The following CTNNA3 variants were observed in gnomAD, a reference collection of about 807,000 sequenced individuals.
The protein encoded by CTNNA3 is catenin alpha 3, also known as catenin alpha-3.
Under a neutral mutation model 95.7 loss-of-function variants are expected in CTNNA3, and 76 were observed. That is an observed-to-expected ratio of 0.79 (90% CI 0.66 to 0.96). The LOEUF is 0.96. CTNNA3 is among the 40% of genes least tolerant of loss of function. The pLI is 0.00. For missense variants in CTNNA3, 1,191 were observed against 1,089.8 expected (o/e 1.09, Z -1.31); for synonymous variants, 431 against 374.4 (o/e 1.15, Z -1.74).
chr10:66,259,225 A>G (rs751977418), intron 13 of CTNNA3, among the ~76,000 whole-genome samples: 4 of 152,172 alleles, frequency 2.6e-5, no homozygotes, highest in Non-Finnish European at 5.9e-5. Context: ...CTCCCCATGA[A>G]CAAGTTTTTC....
intron 7 of CTNNA3, among the ~76,000 whole-genome samples, chr10:67,021,598 T>C (rs1355751416): frequency 6.6e-6 from 1 of 152,086 alleles, no homozygotes; most frequent in Non-Finnish European, 1.5e-5. Context: ...TGTAGTGATA[T>C]GAGAAACATG....
intron 5 of CTNNA3, among the ~76,000 whole-genome samples, chr10:67,374,708 G>A (rs1843624946): frequency 6.6e-6 from 1 of 152,146 alleles, no homozygotes; most frequent in South Asian, 2.1e-4. Flanking sequence ...CTTTTGAACA[G>A]GGACTTGAAG....
chr10:66,800,977 A>G (rs1841406895), intron 7 of CTNNA3, among the ~76,000 whole-genome samples: 1 of 151,302 alleles, frequency 6.6e-6, no homozygotes, highest in Admixed American at 6.6e-5. Flanking sequence ...TTTTTCACAT[A>G]CAAAAAAAAA....
At chr10:66,240,125 C>A (rs2090040528) in intron 13 of CTNNA3, among the ~76,000 whole-genome samples, 1 of 151,792 alleles carries the variant, frequency 6.6e-6, no homozygotes, top group South Asian at 2.1e-4. Context: ...ATTGATATAT[C>A]AGCATATTTT....
intron 13 of CTNNA3, among the ~76,000 whole-genome samples, chr10:66,105,799 G>GGCAT (rs2081875968): frequency 6.6e-6 from 1 of 152,180 alleles, no homozygotes; most frequent in Non-Finnish European, 1.5e-5. Context: ...CATTCTGTAA[G>GGCAT]GCATGGTGTT....
intron 9 of CTNNA3, among the ~76,000 whole-genome samples, chr10:66,719,990 C>A (rs757511090): frequency 6.6e-6 from 1 of 151,992 alleles, no homozygotes; most frequent in African/African-American, 2.4e-5. Flanking sequence ...GAAGGAAAAC[C>A]TTTTCCTGAT....
chr10:66,823,076 T>C (rs1257964785), intron 7 of CTNNA3, among the ~76,000 whole-genome samples: 1 of 152,196 alleles, frequency 6.6e-6, no homozygotes, highest in African/African-American at 2.4e-5. Flanking sequence ...GCAACAATTC[T>C]GGTAGTAGCA....
chr10:67,624,242 C>T (rs2133419316), intron 2 of CTNNA3, among the ~76,000 whole-genome samples: 1 of 152,298 alleles, frequency 6.6e-6, no homozygotes, highest in African/African-American at 2.4e-5. Context: ...CTTCTGGTCC[C>T]TTCCCTGAGT....
At chr10:67,461,002 G>A (rs950360500) in intron 5 of CTNNA3, among the ~76,000 whole-genome samples, 1 of 152,128 alleles carries the variant, frequency 6.6e-6, no homozygotes, top group Admixed American at 6.6e-5. Context: ...AGATCAGTGA[G>A]TAATTTGATT....
intron 12 of CTNNA3, among the ~76,000 whole-genome samples, chr10:66,360,647 CTTTCTTTCTTT>C (rs1564896135): frequency 1.5e-4 from 9 of 61,498 alleles, no homozygotes; most frequent in South Asian, 5.1e-4. Context: ...TTCTTTCTTT[CTTTCTTTCTTT>C]CTTCCTTCCT....
intron 5 of CTNNA3, among the ~76,000 whole-genome samples, chr10:67,241,724 C>T (rs760442619): frequency 6.6e-6 from 1 of 152,152 alleles, no homozygotes; most frequent in Non-Finnish European, 1.5e-5. Context: ...CAACATATTT[C>T]CAGCCATTCT....
At chr10:66,970,068 T>G (rs944771265) in intron 7 of CTNNA3, among the ~76,000 whole-genome samples, 4 of 152,078 alleles carry the variant, frequency 2.6e-5, no homozygotes, top group Non-Finnish European at 5.9e-5. Context: ...GGCACCTATC[T>G]CAACAACTGC....
chr10:67,753,701 A>T (rs1841419148), intron 1 of CTNNA3, among the ~76,000 whole-genome samples: 1 of 152,228 alleles, frequency 6.6e-6, no homozygotes, highest in Non-Finnish European at 1.5e-5. Flanking sequence ...CGTGGCCAAG[A>T]AACTTATGAA....
intron 15 of CTNNA3, among the ~76,000 whole-genome samples, chr10:66,042,858 C>G (rs1020392471): frequency 3.2e-5 from 4 of 124,644 alleles, no homozygotes; most frequent in African/African-American, 1.3e-4. Context: ...CGAGATCGCT[C>G]TATTGTACTC....
intron 5 of CTNNA3, among the ~76,000 whole-genome samples, chr10:67,225,644 C>T (rs1346716944): frequency 6.6e-6 from 1 of 152,114 alleles, no homozygotes; most frequent in East Asian, 1.9e-4. Context: ...CAGTTCGGCT[C>T]ACAGGAAGCC....
At chr10:67,182,180 G>T (rs1420437685) in intron 6 of CTNNA3, among the ~76,000 whole-genome samples, 1 of 151,650 alleles carries the variant, frequency 6.6e-6, no homozygotes, top group African/African-American at 2.4e-5. Flanking sequence ...CACAGAATTG[G>T]AAAAAACTAC....
intron 15 of CTNNA3, among the ~76,000 whole-genome samples, chr10:66,059,290 A>G (rs2080148542): frequency 6.6e-6 from 1 of 152,096 alleles, no homozygotes; most frequent in South Asian, 2.1e-4. Flanking sequence ...TAAATACAGA[A>G]TTGTGTCATT....
At chr10:67,119,230 CTATT>C (rs1859347051) in intron 7 of CTNNA3, among the ~76,000 whole-genome samples, 1 of 151,834 alleles carries the variant, frequency 6.6e-6, no homozygotes, top group African/African-American at 2.4e-5. Context: ...TCTCTATTCT[CTATT>C]TATGTCCACC....
intron 9 of CTNNA3, among the ~76,000 whole-genome samples, chr10:66,622,415 C>T (rs1844782017): frequency 1.3e-5 from 2 of 152,076 alleles, no homozygotes; most frequent in South Asian, 4.1e-4. Context: ...TTTACATTTT[C>T]TTCCAACAAA....
Sources: allele counts gnomAD v4.1 joint callset (sites outside exome capture counted in the v4.1 genomes callset), GRCh38; gene constraint gnomAD v4.1.1; transcripts MANE v1.5; gene names NCBI Gene and HGNC (gene_info 2026-07-23, HGNC 2026-07-21).